Variants in GPI observed in about 807,000 individuals in gnomAD.
GPI encodes the protein glucose-6-phosphate isomerase.
A neutral mutation model predicts 75.8 loss-of-function variants in GPI; 56 were observed. The ratio of observed to expected loss-of-function variants is 0.74; its 90% CI spans 0.60 to 0.92. The LOEUF (loss-of-function observed/expected upper bound fraction) is 0.92. GPI is among the 40% of genes least tolerant of loss of function. The probability of loss-of-function intolerance (pLI) is 0.00; values close to 1 mark genes in which losing one functional copy is unlikely to be tolerated. For missense variants in GPI, 638 were observed against 741.0 expected (o/e 0.86, Z 1.61); for synonymous variants, 288 against 285.4 (o/e 1.01, Z -0.09).
In GPI at chr19:34,366,502, A is replaced by C. The variant is rs1196002295; in HGVS notation, c.213+67A>C. 1.5e-5 allele frequency: 16 copies of C among 1,053,634 alleles called. No individual in the cohort carries two copies. The East Asian group carries it at 3.3e-4, about 22-fold the overall frequency. The allele number at this position is 1,053,634 out of a possible 1,614,324, so 65.3% of individuals were successfully genotyped here. A position where few individuals can be genotyped will look rare whatever the true frequency, so the allele number is the denominator to read the frequency against. On this transcript the variant is annotated intron_variant, in intron 2 of 17. Transcript: ENST00000356487. Reference sequence around the variant, plus strand: ...GTGGTGGGTGAGCTGGGCTCCTGGGAGTCCCCAGGACCTTGAGTATCTTGA... The same window carrying C: ...GTGGTGGGTGAGCTGGGCTCCTGGGCGTCCCCAGGACCTTGAGTATCTTGA...
At position 34,400,694 on chromosome 19, in the gene GPI, A is replaced by G; in HGVS notation, c.*658A>G. 2.5e-6 allele frequency: 1 copy of G among 402,294 alleles called. No homozygotes were observed. 24.9% of individuals were successfully genotyped at this position (402,294 alleles called of 1,614,324 possible). A position where few individuals can be genotyped will look rare whatever the true frequency, so the allele number is the denominator to read the frequency against. ...ACTGCCATCTCCTGGCAAGACGCTC[A>G]GGTAGTTCTTTTGCTTTAAAAGGCA... On this transcript the variant is annotated 3_prime_UTR_variant, in exon 18 of 18. Coordinates refer to ENST00000356487, the MANE Select transcript of GPI (RefSeq NM_000175.5).
At chr19:34,366,132 G>C (rs1035767086) in intron 1 of GPI, 1 of 696,712 alleles carries the variant, frequency 1.4e-6, no homozygotes, top group Admixed American at 2.0e-5. Context: ...CTGCATCTAC[G>C]GTCTGTGAGG....
chr19:34,365,008 G>T (rs928094839), upstream of GPI: 10 of 1,533,074 alleles, frequency 6.5e-6, no homozygotes, highest in African/African-American at 1.4e-5. Context: ...CAGCAAAGCG[G>T]CGGCGCAAGA....
intron 14 of GPI, chr19:34,398,945 T>A (rs2145435333): frequency 3.0e-6 from 1 of 335,572 alleles, no homozygotes; most frequent in East Asian, 6.8e-5. Context: ...GACCTCGTGG[T>A]CCATCCGCCT....
chr19:34,361,411 C>T (rs2074300822), upstream of GPI, among the ~76,000 whole-genome samples: 2 of 152,026 alleles, frequency 1.3e-5, no homozygotes, highest in African/African-American at 4.8e-5. Context: ...ATTTCTTAAC[C>T]TCTCTGTTAA....
At chr19:34,368,518 C>T in intron 3 of GPI, 65 bp from the exon 4 acceptor site, 5 of 1,593,504 alleles carry the variant, frequency 3.1e-6, no homozygotes, top group Non-Finnish European at 4.3e-6. Flanking sequence ...GCACCATGCC[C>T]AGCTGGGAGC....
intron 6 of GPI, among the ~76,000 whole-genome samples, chr19:34,378,127 C>T (rs367756991): frequency 3.8e-4 from 58 of 152,338 alleles, no homozygotes; most frequent in Middle Eastern, 3.4e-3. Flanking sequence ...GCTCGCCTTG[C>T]GGCATCTCTG....
Position 34,367,719 on chromosome 19 carries a change from C to T in GPI, c.283-864C>T, listed in dbSNP as rs545732889. Among the ~76,000 whole-genome samples the T allele has an allele frequency of 1.4e-4, 22 of 152,250 alleles. No homozygotes were observed. In the East Asian group the frequency reaches 3.5e-3, roughly 24 times the overall value. On this transcript the variant is annotated intron_variant, in intron 3 of 17. Coordinates refer to ENST00000356487, the MANE Select transcript of GPI (RefSeq NM_000175.5). ...GTGGCTGGGCCAGCCGCCTGGCACC[C>T]GTCACAGACTTCAAGTCTGGTTTGG...
In GPI at chr19:34,368,543, T is replaced by A. The variant is rs564250555; in HGVS notation, c.283-40T>A. ...CAGCTGGGAGCATGGCTGCCTGGGG[T>A]TGGGGGGGGCAGTCTTTATATCCTG... On this transcript the variant is annotated intron_variant, in intron 3 of 17. Coordinates refer to ENST00000356487, the MANE Select transcript of GPI (RefSeq NM_000175.5). 114 of 1,612,610 alleles carry A rather than the reference T, an allele frequency of 7.1e-5. No individual in the cohort carries two copies. The South Asian group carries it at 1.2e-3, about 17-fold the overall frequency.
intron 6 of GPI, among the ~76,000 whole-genome samples, chr19:34,378,727 G>A (rs896215730): frequency 1.3e-5 from 2 of 152,192 alleles, no homozygotes; most frequent in African/African-American, 4.8e-5. Flanking sequence ...TGCAGGCTTA[G>A]GGTTGGGGGG....
rs748883208 is a variant in GPI at position 34,396,551 on chromosome 19, T to G, written c.1193-30T>G. On this transcript the variant is annotated intron_variant, in intron 13 of 17. Transcript: ENST00000356487. ...TATGGCTAGCTCCCATGGGCTGGGG[T>G]CATGTGGGTGACCACAGTGCCCTTC... 3 of 1,612,726 alleles carry G rather than the reference T, an allele frequency of 1.9e-6. No individual in the cohort carries two copies. The South Asian group carries it at 3.3e-5, about 18-fold the overall frequency.
At chr19:34,366,309 C>A (rs777050721) in intron 1 of GPI, 36 bp from the exon 2 acceptor site, 1 of 1,330,226 alleles carries the variant, frequency 7.5e-7, no homozygotes. Flanking sequence ...CTAGGGAGAC[C>A]AGGGTGTGGT....
intron 3 of GPI, 84 bp from the exon 4 acceptor site, chr19:34,368,499 C>T (rs527289703): frequency 1.8e-5 from 27 of 1,496,192 alleles, no homozygotes; most frequent in African/African-American, 2.8e-5. Context: ...GATAGAGGGC[C>T]GAGCTATGGC....
intron 1 of GPI, 53 bp downstream of exon 1, chr19:34,365,441 A>C: frequency 6.6e-7 from 1 of 1,506,014 alleles, no homozygotes; most frequent in Non-Finnish European, 8.8e-7. Context: ...GGAACCGGGC[A>C]CGCGGGCCTG....
intron 12 of GPI, 136 bp downstream of exon 12, chr19:34,394,202 C>T: frequency 3.1e-6 from 2 of 654,918 alleles, no homozygotes; most frequent in South Asian, 1.7e-5. Context: ...CATCTGTGCT[C>T]CTTGTCTCAG....
intron 4 of GPI, among the ~76,000 whole-genome samples, chr19:34,369,704 CA>C (rs35036655): frequency 1.1e-3 from 152 of 142,410 alleles, no homozygotes; most frequent in Middle Eastern, 3.5e-3. Flanking sequence ...GAGACTCTGT[CA>C]AAAAAAAAAA....
At chr19:34,377,988 G>T in intron 6 of GPI, 107 bp downstream of exon 6, 2 of 1,145,278 alleles carry the variant, frequency 1.7e-6, no homozygotes, top group South Asian at 2.5e-5. Flanking sequence ...GGTGGGTTCC[G>T]AGTGAACCAT....
intron 9 of GPI, among the ~76,000 whole-genome samples, chr19:34,386,875 T>C (rs1477190317): frequency 6.6e-6 from 1 of 151,656 alleles, no homozygotes; most frequent in East Asian, 2.0e-4. Flanking sequence ...GAACTACGCA[T>C]CTCAGCTGGG....
At position 34,365,237 on chromosome 19, in the gene GPI, G is replaced by A. The variant is rs1302050535; in HGVS notation, c.-30G>A. The A allele has an allele frequency of 1.3e-6, 2 of 1,491,394 alleles. No homozygotes were observed. Among genetic ancestry groups the A allele is most frequent in the Non-Finnish European group, 8.9e-7 (1 of 1,119,278 alleles). The allele number at this position is 1,491,394 out of a possible 1,614,324, so 92.4% of individuals were successfully genotyped here. A position where few individuals can be genotyped will look rare whatever the true frequency, so the allele number is the denominator to read the frequency against. On this transcript the variant is annotated 5_prime_UTR_variant, in exon 1 of 18. Coordinates refer to ENST00000356487, the MANE Select transcript of GPI (RefSeq NM_000175.5). ...CGGCGCTCCTTCCTCCTCGGCTCGCGTCTCACTCAGTGTACCTTCTAGTCC... is the reference window on the plus strand; with the variant it reads ...CGGCGCTCCTTCCTCCTCGGCTCGCATCTCACTCAGTGTACCTTCTAGTCC...
Sources: allele counts gnomAD v4.1 joint callset (sites outside exome capture counted in the v4.1 genomes callset), GRCh38; gene constraint gnomAD v4.1.1; transcripts MANE v1.5; gene names NCBI Gene and HGNC (gene_info 2026-07-23, HGNC 2026-07-21).